Variants in ST8SIA4 observed in about 807,000 individuals in gnomAD.
ST8SIA4 encodes the protein ST8 alpha-N-acetyl-neuraminide alpha-2,8-sialyltransferase 4, also known as CMP-N-acetylneuraminate-poly-alpha-2,8-sialyltransferase.
ST8SIA4 carries 15 observed loss-of-function variants against 33.9 expected under a neutral mutation model. That is an observed-to-expected ratio of 0.44 (90% CI 0.30 to 0.68). ST8SIA4 has a LOEUF of 0.68. Ranked by LOEUF, ST8SIA4 falls within the 30% of genes least tolerant of loss-of-function variation. The pLI is 0.10. For missense variants in ST8SIA4, 321 were observed against 428.0 expected, an observed-to-expected ratio of 0.75 and a Z score of 2.21; for synonymous variants, 171 against 151.2, an observed-to-expected ratio of 1.13 and a Z score of -0.96.
intron 4 of ST8SIA4, among the ~76,000 whole-genome samples, chr5:100,825,380 A>G (rs1751119880): frequency 6.6e-6 from 1 of 152,144 alleles, no homozygotes; most frequent in African/African-American, 2.4e-5. Context: ...TTCCTATATC[A>G]GTGATGTTGA....
At chr5:100,849,390 C>A (rs1350774246) in intron 4 of ST8SIA4, 7 of 985,360 alleles carry the variant, frequency 7.1e-6, no homozygotes, top group Non-Finnish European at 8.4e-6. Context: ...CTTCAAAATT[C>A]TCTACGTCAG....
chr5:100,809,276 C>T lies in ST8SIA4; in HGVS notation c.*2571G>A, dbSNP rs1407781887. 1.3e-5 allele frequency: 2 copies of T among 151,900 alleles called. No homozygotes were observed. Among genetic ancestry groups the T allele is most frequent in the African/African-American group, 4.8e-5 (2 of 41,352 alleles). 9.4% of individuals were successfully genotyped at this position (151,900 alleles called of 1,614,324 possible). A position where few individuals can be genotyped will look rare whatever the true frequency, so the allele number is the denominator to read the frequency against. On this transcript the variant is annotated 3_prime_UTR_variant, in exon 5 of 5. Transcript: ENST00000231461. ...GACCAGCCTGGCCAACATGGTGAAA[C>T]TTTGTCTCTACTAAAAACACAAAAT...
At position 100,860,717 on chromosome 5, in the gene ST8SIA4, C is replaced by T. The variant is rs371714962; in HGVS notation, c.504-4321G>A. On this transcript the variant is annotated intron_variant, in intron 3 of 4. Transcript: ENST00000231461. Reference sequence around the variant, plus strand: ...AAGCACCATCTAGTTTGGAATCATTCCAGGACAGGAGTTTTAACTGACACT... The same window carrying T: ...AAGCACCATCTAGTTTGGAATCATTTCAGGACAGGAGTTTTAACTGACACT... 9.2e-5 allele frequency among the ~76,000 whole-genome samples: 14 copies of T among 152,142 alleles called. 1 individual carries two copies. The highest frequency in any genetic ancestry group is 7.7e-4 in the East Asian group (4 of 5,198).
intron 3 of ST8SIA4, among the ~76,000 whole-genome samples, chr5:100,862,529 G>C (rs1369763664): frequency 6.6e-6 from 1 of 151,946 alleles, no homozygotes; most frequent in African/African-American, 2.4e-5. Flanking sequence ...CTCCTAAGTA[G>C]CTGGGATTAC....
chr5:100,903,279 C>A lies in ST8SIA4; in HGVS notation c.-324G>T. The A allele has an allele frequency of 3.0e-6, 1 of 331,144 alleles. No individual in the cohort carries two copies. Among genetic ancestry groups the A allele is most frequent in the Non-Finnish European group, 5.7e-6 (1 of 176,980 alleles). 20.5% of individuals were successfully genotyped at this position (331,144 alleles called of 1,614,324 possible). On this transcript the variant is annotated 5_prime_UTR_variant, in exon 1 of 5. Coordinates refer to ENST00000231461, the MANE Select transcript of ST8SIA4 (RefSeq NM_005668.6). Reference sequence around the variant, plus strand: ...CAGCTTCTGCAGCTGGGTTCGGGGGCGTCACTGGCCCTTCCCTCTTGCTAG... The same window carrying A: ...CAGCTTCTGCAGCTGGGTTCGGGGGAGTCACTGGCCCTTCCCTCTTGCTAG...
At chr5:100,818,745 T>C (rs2112401285) in intron 4 of ST8SIA4, among the ~76,000 whole-genome samples, 1 of 152,326 alleles carries the variant, frequency 6.6e-6, no homozygotes, top group South Asian at 2.1e-4. Flanking sequence ...CAATACTTTA[T>C]CAAACTTTAT....
At chr5:100,867,513 G>A (rs1338889276) in intron 3 of ST8SIA4, among the ~76,000 whole-genome samples, 2 of 151,906 alleles carry the variant, frequency 1.3e-5, no homozygotes, top group East Asian at 1.9e-4. Flanking sequence ...GAAAACTAAG[G>A]TAGAAAAACT....
At chr5:100,832,765 T>A (rs1424618904) in intron 4 of ST8SIA4, among the ~76,000 whole-genome samples, 1 of 152,056 alleles carries the variant, frequency 6.6e-6, no homozygotes, top group Non-Finnish European at 1.5e-5. Flanking sequence ...CCAACCCAAC[T>A]CTTCAGGACA....
At chr5:100,840,171 T>G (rs903137122) in intron 4 of ST8SIA4, among the ~76,000 whole-genome samples, 13 of 151,856 alleles carry the variant, frequency 8.6e-5, no homozygotes, top group Admixed American at 2.6e-4. Flanking sequence ...TGTTTAGATT[T>G]CTCCAAGTTC....
intron 1 of ST8SIA4, chr5:100,900,174 CA>C: frequency 3.0e-6 from 1 of 332,734 alleles, no homozygotes. Flanking sequence ...CCTTGTATTG[CA>C]AAATTGGTAG....
At chr5:100,880,637 A>G (rs1752398374) in intron 3 of ST8SIA4, among the ~76,000 whole-genome samples, 1 of 152,180 alleles carries the variant, frequency 6.6e-6, no homozygotes, top group Non-Finnish European at 1.5e-5. Flanking sequence ...CAAGAATGCA[A>G]CCCGTCACAT....
At chr5:100,854,220 T>A (rs1751764743) in intron 4 of ST8SIA4, among the ~76,000 whole-genome samples, 1 of 151,918 alleles carries the variant, frequency 6.6e-6, no homozygotes, top group Non-Finnish European at 1.5e-5. Context: ...AGTATTTTTA[T>A]CTTATTTTGT....
At chr5:100,836,539 G>C (rs2112419625) in intron 4 of ST8SIA4, among the ~76,000 whole-genome samples, 1 of 152,064 alleles carries the variant, frequency 6.6e-6, no homozygotes, top group Non-Finnish European at 1.5e-5. Flanking sequence ...AGGTTCACAT[G>C]CTTTCTCAAC....
chr5:100,828,551 T>C (rs886142261), intron 4 of ST8SIA4, among the ~76,000 whole-genome samples: 7 of 152,216 alleles, frequency 4.6e-5, no homozygotes, highest in African/African-American at 1.7e-4. Context: ...TCTAATCACG[T>C]CTTTGCTAAA....
intron 4 of ST8SIA4, 54 bp downstream of exon 4, chr5:100,856,049 A>T: frequency 6.7e-7 from 1 of 1,491,810 alleles, no homozygotes; most frequent in African/African-American, 1.4e-5. Flanking sequence ...GAAAATGTTT[A>T]GTTATATGTG....
chr5:100,856,049 A>G, intron 4 of ST8SIA4, 54 bp downstream of exon 4: 1 of 1,491,812 alleles, frequency 6.7e-7, no homozygotes, highest in South Asian at 1.2e-5. Context: ...GAAAATGTTT[A>G]GTTATATGTG....
chr5:100,865,222 G>A (rs1752037297), intron 3 of ST8SIA4, among the ~76,000 whole-genome samples: 1 of 152,182 alleles, frequency 6.6e-6, no homozygotes, highest in Non-Finnish European at 1.5e-5. Flanking sequence ...GCTAGGCAGA[G>A]AGAAATGAAA....
At chr5:100,831,695 T>C (rs750039156) in intron 4 of ST8SIA4, among the ~76,000 whole-genome samples, 29 of 152,186 alleles carry the variant, frequency 1.9e-4, no homozygotes, top group African/African-American at 5.3e-4. Flanking sequence ...CCACTATCTC[T>C]GCTCCACTGA....
chr5:100,842,709 T>C (rs559469754), intron 4 of ST8SIA4, among the ~76,000 whole-genome samples: 1 of 151,970 alleles, frequency 6.6e-6, no homozygotes, highest in African/African-American at 2.4e-5. Context: ...GAGAGGAATA[T>C]GATCATAATT....
Sources: gnomAD v4.1 joint callset for allele counts (sites outside exome capture counted in the v4.1 genomes callset) on GRCh38, gnomAD v4.1.1 for gene constraint, MANE v1.5 for transcripts, NCBI Gene and HGNC (gene_info 2026-07-23, HGNC 2026-07-21) for gene names.